Variants in SGTB observed in about 807,000 individuals in gnomAD.
SGTB encodes the protein small glutamine-rich tetratricopeptide repeat-containing protein beta.
SGTB carries 19 observed loss-of-function variants against 43.9 expected under a neutral mutation model. That is an observed-to-expected ratio of 0.43 (90% confidence interval 0.30 to 0.63). The LOEUF (loss-of-function observed/expected upper bound fraction) is 0.63, where lower values mean the gene tolerates loss of function less well. Among genes scored for constraint, SGTB ranks in the 30% least tolerant of loss-of-function variants. The probability of loss-of-function intolerance (pLI) is 0.12; values close to 1 mark genes in which losing one functional copy is unlikely to be tolerated. For missense variants in SGTB, 304 were observed against 358.9 expected (o/e 0.85, Z 1.24); for synonymous variants, 116 against 117.3 (o/e 0.99, Z 0.07).
chr5:65,711,101 G>T lies in SGTB; in HGVS notation c.204+1860C>A, dbSNP rs550261557. ...AATCGCTTGAACCCAGGAGGCAGAG[G>T]CTACAGTGAGCTGAGATCGCACCAC... On this transcript the variant is annotated intron_variant, in intron 3 of 10. Transcript: ENST00000381007. Among the ~76,000 whole-genome samples, 23 of 152,088 alleles carry T rather than the reference G, an allele frequency of 1.5e-4. No individual in the cohort carries two copies. The East Asian group carries it at 4.4e-3, about 29-fold the overall frequency.
chr5:65,680,333 A>G (rs903829448), intron 8 of SGTB, among the ~76,000 whole-genome samples, 161 bp downstream of exon 8: 1 of 152,174 alleles, frequency 6.6e-6, no homozygotes, highest in African/African-American at 2.4e-5. Context: ...TGCACTTGAA[A>G]TAAAAGTTGG....
At chr5:65,721,192 A>C (rs1758268088) in intron 1 of SGTB, among the ~76,000 whole-genome samples, 1 of 152,242 alleles carries the variant, frequency 6.6e-6, no homozygotes, top group South Asian at 2.1e-4. Flanking sequence ...ACTGCTGACT[A>C]AAAGCTGATG....
intron 6 of SGTB, among the ~76,000 whole-genome samples, chr5:65,681,315 T>C (rs1285842791): frequency 1.3e-5 from 2 of 152,188 alleles, no homozygotes; most frequent in Non-Finnish European, 2.9e-5. Context: ...AAGAGGTAGA[T>C]AAAATTAGCA....
intron 2 of SGTB, among the ~76,000 whole-genome samples, chr5:65,720,254 G>A (rs184681665): frequency 1.3e-5 from 2 of 151,874 alleles, no homozygotes; most frequent in East Asian, 3.9e-4. Context: ...GCTACTTTTT[G>A]TATTTTTAGT....
At chr5:65,699,926 A>G (rs757223513) in intron 5 of SGTB, among the ~76,000 whole-genome samples, 6 of 152,220 alleles carry the variant, frequency 3.9e-5, no homozygotes, top group Non-Finnish European at 7.3e-5. Flanking sequence ...AAAACTTAAG[A>G]GCCTGCATTT....
chr5:65,720,705 T>C lies in SGTB; in HGVS notation c.100+3A>G. ...TAAATGAACACAAAGAGCAGATGCA[T>C]ACCTTCCAAACTTTCTTGTTCATCC... On this transcript the variant is annotated splice_donor_region_variant and intron_variant, in intron 2 of 10. Coordinates refer to ENST00000381007, the MANE Select transcript of SGTB (RefSeq NM_019072.3). The C allele has an allele frequency of 6.2e-7, 1 of 1,611,772 alleles. No homozygotes were observed. The highest frequency in any genetic ancestry group is 8.5e-7 in the Non-Finnish European group (1 of 1,179,450).
intron 5 of SGTB, among the ~76,000 whole-genome samples, chr5:65,694,454 G>A (rs1757679146): frequency 6.6e-6 from 1 of 152,084 alleles, no homozygotes; most frequent in African/African-American, 2.4e-5. Flanking sequence ...TCGTCCCAAA[G>A]AAGCAACACC....
intron 6 of SGTB, among the ~76,000 whole-genome samples, chr5:65,682,314 A>G (rs1006241142): frequency 6.6e-5 from 10 of 152,210 alleles, no homozygotes; most frequent in African/African-American, 2.4e-4. Flanking sequence ...CAGATGATAG[A>G]GGACCATTGC....
intron 5 of SGTB, among the ~76,000 whole-genome samples, chr5:65,691,176 T>A (rs575911980): frequency 6.6e-6 from 1 of 152,330 alleles, no homozygotes; most frequent in East Asian, 1.9e-4. Context: ...GGTATCTGTA[T>A]AAACTGATAC....
intron 8 of SGTB, among the ~76,000 whole-genome samples, chr5:65,677,144 C>A (rs1327639828): frequency 6.6e-6 from 1 of 151,788 alleles, no homozygotes; most frequent in Non-Finnish European, 1.5e-5. Flanking sequence ...TTACCACTGA[C>A]CCCACAGAAA....
At chr5:65,698,654 C>A (rs1757755438) in intron 5 of SGTB, among the ~76,000 whole-genome samples, 1 of 152,006 alleles carries the variant, frequency 6.6e-6, no homozygotes, top group African/African-American at 2.4e-5. Flanking sequence ...AGGACTAATA[C>A]CCAGAATCTA....
intron 4 of SGTB, among the ~76,000 whole-genome samples, chr5:65,706,317 T>C (rs1349008551): frequency 1.3e-5 from 2 of 152,202 alleles, no homozygotes; most frequent in South Asian, 2.1e-4. Context: ...TCAAACATTT[T>C]AATTTTCTGG....
At chr5:65,720,307 C>A (rs1404205202) in intron 2 of SGTB, among the ~76,000 whole-genome samples, 1 of 152,036 alleles carries the variant, frequency 6.6e-6, no homozygotes, top group Non-Finnish European at 1.5e-5. Flanking sequence ...GTCTTGAACT[C>A]CTGACCTCAA....
At chr5:65,696,946 A>G (rs1055655664) in intron 5 of SGTB, among the ~76,000 whole-genome samples, 1 of 152,242 alleles carries the variant, frequency 6.6e-6, no homozygotes, top group Non-Finnish European at 1.5e-5. Flanking sequence ...AAAAGTAAAC[A>G]TTAGTTCATC....
At position 65,713,119 on chromosome 5, in the gene SGTB, G is replaced by GT. The variant is rs3833969; in HGVS notation, c.101-56dup. 5,054 of 1,114,986 alleles carry GT rather than the reference G, an allele frequency of 4.5e-3. 1 individual carries two copies. Among genetic ancestry groups the GT allele is most frequent in the East Asian group, 0.01 (391 of 37,320 alleles). 69.1% of individuals were successfully genotyped at this position (1,114,986 alleles called of 1,614,324 possible). A position where few individuals can be genotyped will look rare whatever the true frequency, so the allele number is the denominator to read the frequency against. On this transcript the variant is annotated intron_variant, in intron 2 of 10. Coordinates refer to ENST00000381007, the MANE Select transcript of SGTB (RefSeq NM_019072.3). ...ATTAGCAATTTTAAAAAAGAAACAA[G>GT]TTTTTTTTTTCTGATAGAACTGCAA...
At chr5:65,682,061 G>C (rs770535004) in intron 6 of SGTB, among the ~76,000 whole-genome samples, 16 of 151,954 alleles carry the variant, frequency 1.1e-4, no homozygotes, top group Non-Finnish European at 1.8e-4. Flanking sequence ...CAAATAAAAA[G>C]GGCAATATTA....
chr5:65,689,368 A>G (rs1377292621), intron 5 of SGTB, among the ~76,000 whole-genome samples: 1 of 152,202 alleles, frequency 6.6e-6, no homozygotes, highest in Non-Finnish European at 1.5e-5. Flanking sequence ...TTGCTATATC[A>G]CATCTACCAA....
At chr5:65,679,290 A>G (rs1471302002) in intron 8 of SGTB, among the ~76,000 whole-genome samples, 8 of 152,220 alleles carry the variant, frequency 5.3e-5, no homozygotes, top group African/African-American at 1.9e-4. Context: ...AACCACAATG[A>G]GATACCATCT....
At chr5:65,691,452 GCT>G (rs1467375955) in intron 5 of SGTB, among the ~76,000 whole-genome samples, 1 of 151,768 alleles carries the variant, frequency 6.6e-6, no homozygotes, top group African/African-American at 2.4e-5. Context: ...AGACAGTCTT[GCT>G]CTGTCTCCCA....
Sources: allele counts gnomAD v4.1 joint callset (sites outside exome capture counted in the v4.1 genomes callset), GRCh38; gene constraint gnomAD v4.1.1; transcripts MANE v1.5; gene names NCBI Gene and HGNC (gene_info 2026-07-23, HGNC 2026-07-21).